The following ITSN1 variants were observed in gnomAD, a reference collection of about 807,000 sequenced individuals.
The protein encoded by ITSN1 is intersectin-1.
In ITSN1, 58 loss-of-function variants were observed where a neutral mutation model predicts 239.8. The ratio of observed to expected loss-of-function variants is 0.24; its 90% CI spans 0.20 to 0.30. ITSN1 has a LOEUF of 0.30. Ranked by LOEUF, ITSN1 falls within the 10% of genes least tolerant of loss-of-function variation. ITSN1 has a pLI of 1.00. For synonymous variants in ITSN1, 780 were observed against 770.8 expected (o/e 1.01, Z -0.20); for missense variants, 1,558 against 2,103.3 (o/e 0.74, Z 5.07).
intron 29 of ITSN1, among the ~76,000 whole-genome samples, chr21:33,845,201 A>G (rs1033066804): frequency 4.0e-5 from 6 of 151,532 alleles, no homozygotes; most frequent in Non-Finnish European, 7.4e-5. Flanking sequence ...GGGGCCAGGG[A>G]TCCAGCCGAG....
At chr21:33,708,544 C>T (rs902672578) in intron 1 of ITSN1, among the ~76,000 whole-genome samples, 6 of 139,202 alleles carry the variant, frequency 4.3e-5, no homozygotes, top group South Asian at 2.6e-4. Flanking sequence ...TGCGCCACCA[C>T]GCCCGGCTAA....
At chr21:33,703,693 G>A (rs555951832) in intron 1 of ITSN1, among the ~76,000 whole-genome samples, 6 of 152,172 alleles carry the variant, frequency 3.9e-5, no homozygotes, top group Non-Finnish European at 5.9e-5. Flanking sequence ...GGTTGCCTTC[G>A]GAGAGTGGAA....
rs145479081 is a variant in ITSN1, at chr21:33,886,344, C to T, written c.4901C>T (p.Thr1634Met). 33 of 1,613,896 alleles carry T rather than the reference C, an allele frequency of 2.0e-5. No homozygotes were observed. Among genetic ancestry groups the T allele is most frequent in the African/African-American group, 2.7e-5 (2 of 74,866 alleles). The change falls in exon 39 of 40, where the codon ACG becomes ATG. Residue 1634 changes from threonine to methionine, a missense_variant. Physicochemically the swap from Thr to Met is moderately conservative, Grantham distance 81. Coordinates refer to ENST00000381318, the MANE Select transcript of ITSN1 (RefSeq NM_003024.3). ...GGTTCCCAGTGCCACATCACCAAGA[C>T]GATCCAGGACACTCTGAACCCCAAG... ...TMGSQCHITK[T>M]IQDTLNPKWN...
Position 33,867,248 on chromosome 21 carries a change from C to T in ITSN1, c.4090C>T (p.Pro1364Ser), listed in dbSNP as rs1014161765. 6.2e-7 allele frequency: 1 copy of T among 1,606,750 alleles called. No homozygotes were observed. The highest frequency in any genetic ancestry group is 8.5e-7 in the Non-Finnish European group (1 of 1,173,528). Residue 1364 changes from proline to serine, a missense_variant, in exon 33 of 40, where the codon CCT becomes TCT. Pro to Ser is a moderately conservative substitution (Grantham distance 74, BLOSUM62 -1). Around this residue, in one of 2 missense-constraint regions of ITSN1, gnomAD observed 576 missense variants for 893.3 expected, o/e 0.64. Transcript: ENST00000381318. ...KEFVKRLAMD[P>S]RCKGMPLSSF... is the part of the protein sequence containing the mutation. ...CTCATTTCAGAGATTGGCAATGGATCCTCGGTGTAAAGGGATGCCACTCTC... is the reference window on the plus strand; with the variant it reads ...CTCATTTCAGAGATTGGCAATGGATTCTCGGTGTAAAGGGATGCCACTCTC...
chr21:33,698,906 G>A (rs768930630), intron 1 of ITSN1, among the ~76,000 whole-genome samples: 19 of 152,068 alleles, frequency 1.2e-4, no homozygotes, highest in South Asian at 6.2e-4. Flanking sequence ...TAAGAGAAAG[G>A]TTTCCTTGTA....
intron 25 of ITSN1, among the ~76,000 whole-genome samples, chr21:33,824,667 G>T (rs770852830): frequency 6.6e-6 from 1 of 152,188 alleles, no homozygotes; most frequent in Non-Finnish European, 1.5e-5. Context: ...TGGGAGCGAG[G>T]CTGGGCCTGG....
chr21:33,766,143 C>T (rs1189171696), intron 10 of ITSN1, 131 bp downstream of exon 10: 3 of 917,064 alleles, frequency 3.3e-6, no homozygotes, highest in East Asian at 5.2e-5. Context: ...ATTCTAGAGA[C>T]TCTCATCTAG....
chr21:33,899,297 G>A lies in ITSN1; in HGVS notation c.*10997G>A, dbSNP rs1208087674. 6.6e-6 allele frequency: 1 copy of A among 152,204 alleles called. No individual in the cohort carries two copies. Among genetic ancestry groups the A allele is most frequent in the Non-Finnish European group, 1.5e-5 (1 of 68,046 alleles). 9.4% of individuals were successfully genotyped at this position (152,204 alleles called of 1,614,324 possible). A position where few individuals can be genotyped will look rare whatever the true frequency, so the allele number is the denominator to read the frequency against. On this transcript the variant is annotated 3_prime_UTR_variant, in exon 40 of 40. Coordinates refer to ENST00000381318, the MANE Select transcript of ITSN1 (RefSeq NM_003024.3). ...TAATCCATCAGAACGTGAGCTCCTTGTGCTTCCAGTGACAAGCGGGCCACA... is the reference window on the plus strand; with the variant it reads ...TAATCCATCAGAACGTGAGCTCCTTATGCTTCCAGTGACAAGCGGGCCACA...
intron 20 of ITSN1, among the ~76,000 whole-genome samples, chr21:33,805,578 C>A (rs902366246): frequency 1.3e-5 from 2 of 152,214 alleles, no homozygotes; most frequent in African/African-American, 4.8e-5. Flanking sequence ...CCTTCATTCA[C>A]ATATTGTGTG....
rs1219300615 is a variant in ITSN1 at position 33,672,766 on chromosome 21, C to T, written c.-33+30053C>T. Among the ~76,000 whole-genome samples the T allele has an allele frequency of 4.6e-5, 7 of 150,636 alleles. No homozygotes were observed. The East Asian group carries it at 5.8e-4, about 13-fold the overall frequency. On this transcript the variant is annotated intron_variant, in intron 1 of 39. Coordinates refer to ENST00000381318, the MANE Select transcript of ITSN1 (RefSeq NM_003024.3). The stretch of plus-strand genomic sequence containing the variant: ...CTCCTTCTGTCGCCAGGCTGGAGTG[C>T]GGTGGCGCAAACTCGGCTCACTGCA...
At chr21:33,804,611 C>T (rs571505307) in intron 20 of ITSN1, among the ~76,000 whole-genome samples, 5 of 152,282 alleles carry the variant, frequency 3.3e-5, no homozygotes, top group South Asian at 2.1e-4. Context: ...TACATGGCCT[C>T]TCTTGATCTG....
intron 4 of ITSN1, among the ~76,000 whole-genome samples, chr21:33,728,731 C>T (rs1481424278): frequency 6.6e-6 from 1 of 152,166 alleles, no homozygotes; most frequent in African/African-American, 2.4e-5. Flanking sequence ...ACCTCTTTCC[C>T]TTTACCTTGG....
At position 33,671,216 on chromosome 21, in the gene ITSN1, A is replaced by G. The variant is rs77231794; in HGVS notation, c.-33+28503A>G. On this transcript the variant is annotated intron_variant, in intron 1 of 39. Transcript: ENST00000381318. ...ATACCCCACGGATTTTCACACATCC[A>G]TTAGGGAATGGTACATACCTATTAA... 3.6e-3 allele frequency among the ~76,000 whole-genome samples: 545 copies of G among 152,298 alleles called. 2 individuals are homozygous for G. The highest frequency in any genetic ancestry group is 0.012 in the African/African-American group (515 of 41,572).
intron 3 of ITSN1, 45 bp downstream of exon 3, chr21:33,721,315 AG>A (rs2065466877): frequency 8.2e-7 from 1 of 1,214,156 alleles, no homozygotes. Context: ...TCAGTAGTGC[AG>A]ATGTCTGTGG....
chr21:33,857,330 T>C (rs1979545628), intron 30 of ITSN1, among the ~76,000 whole-genome samples: 1 of 152,172 alleles, frequency 6.6e-6, no homozygotes, highest in African/African-American at 2.4e-5. Context: ...ATGGCAACGT[T>C]TCCTCCCAGG....
intron 1 of ITSN1, among the ~76,000 whole-genome samples, chr21:33,648,682 A>T (rs1000815223): frequency 4.6e-5 from 7 of 152,060 alleles, no homozygotes; most frequent in East Asian, 1.9e-4. Context: ...CCTACAAAAA[A>T]TTTTTTAAAA....
chr21:33,814,259 G>T, intron 22 of ITSN1, 187 bp downstream of exon 22: 1 of 505,584 alleles, frequency 2.0e-6, no homozygotes, highest in Non-Finnish European at 3.5e-6. Flanking sequence ...GGGGGTGGGG[G>T]TGGGACACAG....
intron 11 of ITSN1, among the ~76,000 whole-genome samples, chr21:33,768,085 A>C (rs188771331): frequency 6.6e-6 from 1 of 152,284 alleles, no homozygotes; most frequent in African/African-American, 2.4e-5. Context: ...TAAACTGCTA[A>C]ACAAAAATTA....
At chr21:33,743,796 G>A (rs997316144) in intron 5 of ITSN1, among the ~76,000 whole-genome samples, 2 of 152,224 alleles carry the variant, frequency 1.3e-5, no homozygotes, top group African/African-American at 2.4e-5. Flanking sequence ...ATTATGTTCA[G>A]ATTTTTCAAC....
Sources: allele counts gnomAD v4.1 joint callset (sites outside exome capture counted in the v4.1 genomes callset), GRCh38; gene constraint gnomAD v4.1.1; regional missense constraint gnomAD v4.1.1; transcripts MANE v1.5; gene names NCBI Gene and HGNC (gene_info 2026-07-23, HGNC 2026-07-21).